Variants in CEP78 observed in about 807,000 individuals in gnomAD.
The protein encoded by CEP78 is centrosomal protein 78.
CEP78 carries 76 observed loss-of-function variants against 81.2 expected under a neutral mutation model. The ratio of observed to expected loss-of-function variants is 0.94; its 90% CI spans 0.78 to 1.13. The LOEUF is 1.13. Among genes scored for constraint, CEP78 ranks in the 50% most tolerant of loss-of-function variants. The probability of loss-of-function intolerance (pLI) is 0.00; values close to 1 mark genes in which losing one functional copy is unlikely to be tolerated. For synonymous variants in CEP78, 293 were observed against 301.4 expected (o/e 0.97, Z 0.29); for missense variants, 918 against 846.8 (o/e 1.08, Z -1.04).
intron 11 of CEP78, among the ~76,000 whole-genome samples, chr9:78,261,143 G>T (rs947973464): frequency 6.6e-6 from 1 of 152,022 alleles, no homozygotes; most frequent in African/African-American, 2.4e-5. Context: ...TAGAGACGGG[G>T]TTTCACCATG....
chr9:78,266,312 C>A, intron 15 of CEP78, 130 bp from the exon 16 acceptor site: 1 of 674,572 alleles, frequency 1.5e-6, no homozygotes, highest in Non-Finnish European at 2.4e-6. Flanking sequence ...AATCACTTGG[C>A]AAGATATAAT....
intron 14 of CEP78, 27 bp from the exon 15 acceptor site, chr9:78,265,832 T>G: frequency 8.8e-7 from 1 of 1,138,920 alleles, no homozygotes; most frequent in Non-Finnish European, 1.3e-6. Context: ...ATTTTATAAA[T>G]GTCTATTCTA....
chr9:78,265,631 G>A (rs1376622313), intron 14 of CEP78, 88 bp downstream of exon 14: 1 of 1,256,722 alleles, frequency 8.0e-7, no homozygotes. Flanking sequence ...ATAATGATCT[G>A]TGCACATGCT....
At chr9:78,239,707 G>A (rs1826128547) in intron 1 of CEP78, among the ~76,000 whole-genome samples, 1 of 152,146 alleles carries the variant, frequency 6.6e-6, no homozygotes, top group Non-Finnish European at 1.5e-5. Flanking sequence ...GCAGGTGTCA[G>A]GCTTAGATGC....
intron 9 of CEP78, among the ~76,000 whole-genome samples, chr9:78,252,551 C>G (rs1046802176): frequency 1.3e-5 from 2 of 152,088 alleles, no homozygotes; most frequent in Non-Finnish European, 2.9e-5. Context: ...TAATTTTTGT[C>G]AGAAAAGTCT....
In CEP78 at chr9:78,238,577, T is replaced by TAAAAACAACCTGACC. The variant is rs1322909127; in HGVS notation, c.254-1444_254-1430dup. ...GAGAGGAAATGATTATTGATGTATT[T>TAAAAACAACCTGACC]AAAAACAACCTGACCACTTGTCGTG... On this transcript the variant is annotated intron_variant, in intron 1 of 16. Coordinates refer to ENST00000643273, the MANE Select transcript of CEP78 (RefSeq NM_001330691.3). Among the ~76,000 whole-genome samples the TAAAAACAACCTGACC allele has an allele frequency of 2.6e-5, 4 of 152,026 alleles. No individual in the cohort carries two copies. In the South Asian group the frequency reaches 6.2e-4, roughly 24 times the overall value.
At chr9:78,243,735 A>T (rs1285675049) in intron 5 of CEP78, 99 bp downstream of exon 5, 1 of 902,168 alleles carries the variant, frequency 1.1e-6, no homozygotes, top group Non-Finnish European at 1.6e-6. Flanking sequence ...GTTTTTTAAA[A>T]AGCCTCTTTT....
chr9:78,240,062 C>T lies in CEP78; in HGVS notation c.293C>T (p.Ala98Val), dbSNP rs375569426. ...AAATTTTGCAGAAGTCGTGTTCCTG[C>T]GATAAGATACAAAGATGTGACCTTC... is the stretch of plus-strand genomic sequence containing the variant. ...MNKFCRSRVP[A>V]IRYKDVTFQL... is the part of the protein sequence containing the mutation. Residue 98 changes from alanine (A) to valine (V), a missense_variant, in exon 2 of 17, where the codon GCG becomes GTG. Transcript: ENST00000643273. The T allele has an allele frequency of 6.9e-5, 110 of 1,583,124 alleles. No individual in the cohort carries two copies. In the African/African-American group the frequency reaches 1.3e-3, roughly 18 times the overall value.
At chr9:78,243,224 A>G (rs1173404017) in intron 4 of CEP78, among the ~76,000 whole-genome samples, 1 of 152,162 alleles carries the variant, frequency 6.6e-6, no homozygotes, top group African/African-American at 2.4e-5. Context: ...ACATAAAGCA[A>G]TCAGTAACAG....
chr9:78,253,481 G>C, intron 10 of CEP78: 1 of 471,636 alleles, frequency 2.1e-6, no homozygotes, highest in Non-Finnish European at 3.8e-6. Context: ...GGTTTCATCT[G>C]TGTAGACAGG....
In CEP78 at chr9:78,266,413, C is replaced by T. The variant is rs1172326364; in HGVS notation, c.1846-29C>T. 7 of 1,539,362 alleles carry T rather than the reference C, an allele frequency of 4.5e-6. 1 individual carries two copies. In the South Asian group the frequency reaches 7.1e-5, roughly 16 times the overall value. On this transcript the variant is annotated intron_variant, in intron 15 of 16. Coordinates refer to ENST00000643273, the MANE Select transcript of CEP78 (RefSeq NM_001330691.3). ...TTTAAATGGATGGCTTTGTTTGTCACTAAATTTTTGTTTTGTTTTTCCTTC... is the reference window on the plus strand; with the variant it reads ...TTTAAATGGATGGCTTTGTTTGTCATTAAATTTTTGTTTTGTTTTTCCTTC...
Position 78,253,230 on chromosome 9 carries a change from A to G in CEP78, c.1206-2A>G, listed in dbSNP as rs778035330. The G allele has an allele frequency of 6.3e-6, 8 of 1,279,110 alleles. No homozygotes were observed. Among genetic ancestry groups the G allele is most frequent in the Non-Finnish European group, 9.0e-6 (8 of 891,044 alleles). 79.2% of individuals were successfully genotyped at this position (1,279,110 alleles called of 1,614,324 possible). A position where few individuals can be genotyped will look rare whatever the true frequency, so the allele number is the denominator to read the frequency against. On this transcript the variant is annotated splice_acceptor_variant, in intron 9 of 16. Coordinates refer to ENST00000643273, the MANE Select transcript of CEP78 (RefSeq NM_001330691.3). LOFTEE classifies it high-confidence loss of function. ...TAACTTAATTTATCGATATCTTTTT[A>G]GGGGTTTCCCATTAATCAAAACACG...
intron 1 of CEP78, among the ~76,000 whole-genome samples, chr9:78,237,297 G>A (rs1826003364): frequency 6.6e-6 from 1 of 151,928 alleles, no homozygotes; most frequent in Non-Finnish European, 1.5e-5. Flanking sequence ...CATTTTTTAA[G>A]GTGTATATAA....
At position 78,247,516 on chromosome 9, in the gene CEP78, A is replaced by G. The variant is rs140923946; in HGVS notation, c.892+734A>G. Reference sequence around the variant, plus strand: ...AGAGACTGGTATGCTACAAAGTCAGACAACTAGCCAGGGGCCTGATCTTGT... The same window carrying G: ...AGAGACTGGTATGCTACAAAGTCAGGCAACTAGCCAGGGGCCTGATCTTGT... On this transcript the variant is annotated intron_variant, in intron 6 of 16. Coordinates refer to ENST00000643273, the MANE Select transcript of CEP78 (RefSeq NM_001330691.3). Among the ~76,000 whole-genome samples, 58 of 152,344 alleles carry G rather than the reference A, an allele frequency of 3.8e-4. No individual in the cohort carries two copies. In the East Asian group the frequency reaches 0.01, roughly 26 times the overall value.
chr9:78,239,484 C>T lies in CEP78; in HGVS notation c.254-539C>T, dbSNP rs1362456945. ...GAGGAAGGGGAGCTTTTTCTCATTT[C>T]CTTTATCTCTTTGATACTCCAACAG... On this transcript the variant is annotated intron_variant, in intron 1 of 16. Coordinates refer to ENST00000643273, the MANE Select transcript of CEP78 (RefSeq NM_001330691.3). Among the ~76,000 whole-genome samples, 7 of 152,152 alleles carry T rather than the reference C, an allele frequency of 4.6e-5. No individual in the cohort carries two copies. In the South Asian group the frequency reaches 1.0e-3, roughly 23 times the overall value.
chr9:78,254,866 G>T lies in CEP78; in HGVS notation c.1282G>T (p.Glu428Ter). 6.2e-7 allele frequency: 1 copy of T among 1,611,338 alleles called. No homozygotes were observed. Residue 428 changes from glutamate to a stop codon, truncating the protein, a stop_gained, in exon 11 of 17, where the codon GAG (glutamate) becomes TAG (stop). Coordinates refer to ENST00000643273, the MANE Select transcript of CEP78 (RefSeq NM_001330691.3). LOFTEE classifies it high-confidence loss of function. Reference protein sequence around the residue: ...QPGFPVTVTVESPSSSEVEEV... With the variant: ...QPGFPVTVTV ...AGGTTTTCCTGTGACTGTGACAGTAGAGAGTCCTTCATCCTCTGAAGTTGA... is the reference window on the plus strand; with the variant it reads ...AGGTTTTCCTGTGACTGTGACAGTATAGAGTCCTTCATCCTCTGAAGTTGA...
chr9:78,259,138 A>G lies in CEP78; in HGVS notation c.1381-3769A>G, dbSNP rs145739969. Among the ~76,000 whole-genome samples the G allele has an allele frequency of 6.1e-3, 932 of 152,354 alleles. 8 individuals carry two copies. The highest frequency in any genetic ancestry group is 9.3e-3 in the Non-Finnish European group (633 of 68,032). Reference sequence around the variant, plus strand: ...GTACACTGAGAAAACTATAAAAGTAATAAAATTGAATGAACAAGAGCTACA... The same window carrying G: ...GTACACTGAGAAAACTATAAAAGTAGTAAAATTGAATGAACAAGAGCTACA... On this transcript the variant is annotated intron_variant, in intron 11 of 16. Transcript: ENST00000643273.
Position 78,276,419 on chromosome 9 carries a change from A to G in CEP78, c.*5568A>G, listed in dbSNP as rs141460334. The stretch of plus-strand genomic sequence containing the variant: ...TCCACAGGAAACAAACTTGGTGAAA[A>G]GTTTTTGCTAAGATAAAAACGGTAC... On this transcript the variant is annotated 3_prime_UTR_variant, in exon 17 of 17. Transcript: ENST00000643273. 2.5e-4 allele frequency: 38 copies of G among 152,308 alleles called. No homozygotes were observed. The highest frequency in any genetic ancestry group is 9.1e-4 in the African/African-American group (38 of 41,560). The allele number at this position is 152,308 out of a possible 1,614,324, so 9.4% of individuals were successfully genotyped here.
At chr9:78,264,645 TAAAA>T (rs34285580) in intron 13 of CEP78, among the ~76,000 whole-genome samples, 1 of 119,384 alleles carries the variant, frequency 8.4e-6, no homozygotes, top group Non-Finnish European at 1.7e-5. Flanking sequence ...GCCCATCTCT[TAAAA>T]AAAAAAAAAA....
Sources: gnomAD v4.1 joint callset for allele counts (sites outside exome capture counted in the v4.1 genomes callset) on GRCh38, gnomAD v4.1.1 for gene constraint, MANE v1.5 for transcripts, NCBI Gene and HGNC (gene_info 2026-07-23, HGNC 2026-07-21) for gene names.